Variants in FAM13C observed in about 807,000 individuals in gnomAD.
FAM13C encodes protein FAM13C.
Under a neutral mutation model 73.2 loss-of-function variants are expected in FAM13C, and 37 were observed. The ratio of observed to expected loss-of-function variants is 0.51; its 90% CI spans 0.39 to 0.67. FAM13C has a LOEUF of 0.67. FAM13C is among the 30% of genes least tolerant of loss of function. The pLI, the probability that FAM13C is intolerant of heterozygous loss-of-function variation, is 0.00. For missense variants in FAM13C, 589 were observed against 715.6 expected, an observed-to-expected ratio of 0.82 and a Z score of 2.02; for synonymous variants, 246 against 260.9, an observed-to-expected ratio of 0.94 and a Z score of 0.55.
chr10:59,361,181 AT>A, intron 1 of FAM13C: 1 of 1,021,770 alleles, frequency 9.8e-7, no homozygotes, highest in East Asian at 6.2e-5. Flanking sequence ...CCAAATGAGT[AT>A]TTTACATTGC....
At chr10:59,259,006 A>G (rs554473738) in intron 10 of FAM13C, among the ~76,000 whole-genome samples, 2 of 152,308 alleles carry the variant, frequency 1.3e-5, no homozygotes, top group South Asian at 4.1e-4. Flanking sequence ...CAATATTGAT[A>G]TATGTGCCAG....
At position 59,357,341 on chromosome 10, in the gene FAM13C, A is replaced by T. The variant is rs74150879; in HGVS notation, c.63-1398T>A. Among the ~76,000 whole-genome samples, 501 of 152,270 alleles carry T rather than the reference A, an allele frequency of 3.3e-3. 3 individuals carry two copies. The highest frequency in any genetic ancestry group is 0.011 in the African/African-American group (460 of 41,568). ...ATATCTCACCACACATCACTTGTAA[A>T]CCTTTGTACCACTGAGATCTTTTTG... On this transcript the variant is annotated intron_variant, in intron 1 of 13. Transcript: ENST00000618804.
intron 10 of FAM13C, among the ~76,000 whole-genome samples, chr10:59,261,865 C>A (rs1254298081): frequency 6.6e-6 from 1 of 151,816 alleles, no homozygotes; most frequent in African/African-American, 2.4e-5. Flanking sequence ...TTTCTTTGAG[C>A]TCCAGGCTCA....
chr10:59,362,622 G>T, upstream of FAM13C: 8 of 1,441,582 alleles, frequency 5.5e-6, no homozygotes, highest in Middle Eastern at 2.5e-4. Context: ...CCCAGCAGGG[G>T]CCCAGCGGCA....
chr10:59,305,742 T>C (rs1422383664), intron 4 of FAM13C, among the ~76,000 whole-genome samples: 1 of 152,214 alleles, frequency 6.6e-6, no homozygotes, highest in Non-Finnish European at 1.5e-5. Context: ...CCTCCATGCC[T>C]GAACAAACCA....
intron 3 of FAM13C, among the ~76,000 whole-genome samples, chr10:59,342,221 T>A (rs1444835149): frequency 6.6e-6 from 1 of 152,130 alleles, no homozygotes; most frequent in Non-Finnish European, 1.5e-5. Context: ...GGCTTTATTA[T>A]CCCAAGAGAG....
chr10:59,281,232 T>A (rs959202608), intron 6 of FAM13C, among the ~76,000 whole-genome samples: 6 of 152,170 alleles, frequency 3.9e-5, no homozygotes, highest in Admixed American at 1.3e-4. Flanking sequence ...TGTCCAAAGA[T>A]CATTCTAGAA....
intron 5 of FAM13C, among the ~76,000 whole-genome samples, chr10:59,286,165 A>G (rs538926163): frequency 4.9e-4 from 75 of 152,212 alleles, no homozygotes; most frequent in Non-Finnish European, 1.0e-3. Flanking sequence ...AAATAAACCA[A>G]TCACAAAAGG....
intron 3 of FAM13C, among the ~76,000 whole-genome samples, chr10:59,333,292 GC>G (rs1852260241): frequency 6.6e-6 from 1 of 152,076 alleles, no homozygotes; most frequent in Admixed American, 6.6e-5. Context: ...TTTGAGACCA[GC>G]CTGGCCAACA....
Position 59,324,550 on chromosome 10 carries a change from A to C in FAM13C, c.325-444T>G, listed in dbSNP as rs184854346. Among the ~76,000 whole-genome samples the C allele has an allele frequency of 1.3e-3, 196 of 152,148 alleles. 3 individuals are homozygous for C. The highest frequency in any genetic ancestry group is 4.4e-3 in the African/African-American group (184 of 41,526). On this transcript the variant is annotated intron_variant, in intron 3 of 13. Transcript: ENST00000618804. ...CACCCCACACACATGAGATTGGAAT[A>C]AGTTGAACCAAAATCTTAACTGTGA...
At chr10:59,284,628 C>T (rs1223252089) in intron 5 of FAM13C, among the ~76,000 whole-genome samples, 1 of 150,694 alleles carries the variant, frequency 6.6e-6, no homozygotes, top group Non-Finnish European at 1.5e-5. Context: ...TAGTGATCAC[C>T]TCCATCCTAC....
intron 5 of FAM13C, among the ~76,000 whole-genome samples, chr10:59,284,692 A>G: frequency 6.9e-6 from 1 of 144,602 alleles, no homozygotes; most frequent in East Asian, 2.1e-4. Flanking sequence ...CTCATACCAA[A>G]CCCCCATACT....
intron 4 of FAM13C, among the ~76,000 whole-genome samples, chr10:59,316,486 T>C (rs1025933206): frequency 4.6e-5 from 7 of 152,210 alleles, no homozygotes; most frequent in African/African-American, 9.6e-5. Context: ...CATGTATCCC[T>C]TAGTGACGGG....
chr10:59,316,764 C>T lies in FAM13C; in HGVS notation c.443+7224G>A, dbSNP rs1048473945. 5.3e-5 allele frequency among the ~76,000 whole-genome samples: 8 copies of T among 152,178 alleles called. No homozygotes were observed. In the South Asian group the frequency reaches 1.0e-3, roughly 20 times the overall value. ...TTATAGGACCACCATCATACATGTC[C>T]GTTGTTAACTGAAATGTTATTATGT... On this transcript the variant is annotated intron_variant, in intron 4 of 13. Transcript: ENST00000618804.
At chr10:59,262,969 C>T (rs1284591789) in intron 9 of FAM13C, among the ~76,000 whole-genome samples, 5 of 152,022 alleles carry the variant, frequency 3.3e-5, no homozygotes, top group Non-Finnish European at 7.4e-5. Context: ...ACTGTAGCAC[C>T]CGAAATTCCA....
At chr10:59,317,189 C>T (rs1849642691) in intron 4 of FAM13C, among the ~76,000 whole-genome samples, 1 of 151,384 alleles carries the variant, frequency 6.6e-6, no homozygotes, top group Admixed American at 6.6e-5. Flanking sequence ...AGGAATACCT[C>T]ATTGACAAAT....
Position 59,352,443 on chromosome 10 carries a change from C to A in FAM13C, c.151G>T (p.Ala51Ser). The change falls in exon 3 of 14, where the codon GCA becomes TCA. Residue 51 changes from alanine to serine, a missense_variant. By Grantham distance (99) the Ala-to-Ser change is moderately conservative. Transcript: ENST00000618804. ...DENNKENYPD[A>S]GALVEEHAPP... ...GCGTGCTCTTCTACCAGAGCCCCTG[C>A]GTCGGGGTAGTTCTCTTTATTGTTT... is the stretch of plus-strand genomic sequence containing the variant. 1 of 1,612,750 alleles carries A rather than the reference C, an allele frequency of 6.2e-7. No individual in the cohort carries two copies. The highest frequency in any genetic ancestry group is 1.1e-5 in the South Asian group (1 of 90,924).
chr10:59,346,987 G>T (rs1168869239), intron 3 of FAM13C, among the ~76,000 whole-genome samples: 1 of 152,060 alleles, frequency 6.6e-6, no homozygotes, highest in East Asian at 1.9e-4. Flanking sequence ...TTATCTCAAT[G>T]AACTCTGGCA....
At position 59,246,385 on chromosome 10, in the gene FAM13C, C is replaced by T; in HGVS notation, c.*1229G>A. On this transcript the variant is annotated 3_prime_UTR_variant, in exon 14 of 14. Coordinates refer to ENST00000618804, the MANE Select transcript of FAM13C (RefSeq NM_198215.4). ...AAATATTAGGTAAATACAGAGAAAA[C>T]AATAAGCCTCTGAAATAAGTCTGTT... The T allele has an allele frequency of 3.3e-6, 1 of 304,640 alleles. No homozygotes were observed. Among genetic ancestry groups the T allele is most frequent in the Non-Finnish European group, 6.0e-6 (1 of 167,412 alleles). 18.9% of individuals were successfully genotyped at this position (304,640 alleles called of 1,614,324 possible).
Sources: allele counts gnomAD v4.1 joint callset (sites outside exome capture counted in the v4.1 genomes callset), GRCh38; gene constraint gnomAD v4.1.1; transcripts MANE v1.5; gene names NCBI Gene and HGNC (gene_info 2026-07-23, HGNC 2026-07-21).